Variants in OSBPL9 observed in about 807,000 individuals in gnomAD.
OSBPL9 encodes the protein oxysterol binding protein like 9.
OSBPL9 carries 40 observed loss-of-function variants against 106.6 expected under a neutral mutation model. That is an observed-to-expected ratio of 0.38 (90% CI 0.29 to 0.49). The LOEUF is 0.49. Among genes scored for constraint, OSBPL9 ranks in the 20% least tolerant of loss-of-function variants. The pLI, the probability that OSBPL9 is intolerant of heterozygous loss-of-function variation, is 0.97. For synonymous variants in OSBPL9, 269 were observed against 295.4 expected (o/e 0.91, Z 0.92); for missense variants, 609 against 887.2 (o/e 0.69, Z 3.98).
intron 3 of OSBPL9, among the ~76,000 whole-genome samples, chr1:51,705,236 C>T (rs1458399655): frequency 6.6e-6 from 1 of 151,162 alleles, no homozygotes; most frequent in Non-Finnish European, 1.5e-5. Flanking sequence ...TGGTTTCGAA[C>T]TCTTGGGCTC....
At chr1:51,761,661 C>T (rs972943787) in intron 10 of OSBPL9, among the ~76,000 whole-genome samples, 2 of 151,980 alleles carry the variant, frequency 1.3e-5, no homozygotes, top group Admixed American at 1.3e-4. Context: ...TGATATCCTG[C>T]CTGGTATCTT....
At chr1:51,751,669 AATAC>A (rs1465652818) in intron 8 of OSBPL9, among the ~76,000 whole-genome samples, 1 of 152,200 alleles carries the variant, frequency 6.6e-6, no homozygotes, top group Non-Finnish European at 1.5e-5. Context: ...TATTTTAGGG[AATAC>A]ATACTGCCTT....
intron 12 of OSBPL9, among the ~76,000 whole-genome samples, chr1:51,770,752 A>G (rs1673687493): frequency 6.6e-6 from 1 of 152,220 alleles, no homozygotes; most frequent in Non-Finnish European, 1.5e-5. Flanking sequence ...AAAAATAGGT[A>G]AGTAACCAGG....
chr1:51,784,034 G>A lies in OSBPL9; in HGVS notation c.1624+9G>A, dbSNP rs1046029454. On this transcript the variant is annotated intron_variant, in intron 18 of 23. Coordinates refer to ENST00000428468, the MANE Select transcript of OSBPL9 (RefSeq NM_024586.6). ...GCACAACATAGGGCAGGGTAAGTGT[G>A]TTGGCATTGGGTGGACTACAATGTT... 1 of 1,592,854 alleles carries A rather than the reference G, an allele frequency of 6.3e-7. No homozygotes were observed. The highest frequency in any genetic ancestry group is 1.3e-5 in the African/African-American group (1 of 74,436).
intron 3 of OSBPL9, among the ~76,000 whole-genome samples, chr1:51,695,355 C>T (rs185293477): frequency 1.1e-3 from 163 of 152,242 alleles, no homozygotes; most frequent in African/African-American, 3.8e-3. Context: ...ACATGACAAA[C>T]GCAGATTATG....
chr1:51,678,721 G>A (rs893686511), intron 3 of OSBPL9, among the ~76,000 whole-genome samples: 2 of 152,168 alleles, frequency 1.3e-5, no homozygotes, highest in African/African-American at 4.8e-5. Flanking sequence ...TTGATGTTAT[G>A]GTGAAGGAAA....
the OSBPL9 span, among the ~76,000 whole-genome samples, chr1:51,553,927 C>T: frequency 6.6e-6 from 1 of 152,216 alleles, no homozygotes; most frequent in South Asian, 2.1e-4. Context: ...GATCCACCCG[C>T]CTCAGCCTCC....
intron 2 of OSBPL9, among the ~76,000 whole-genome samples, chr1:51,610,409 C>T (rs1287586473): frequency 2.6e-5 from 4 of 152,070 alleles, no homozygotes; most frequent in Non-Finnish European, 4.4e-5. Context: ...TATAGGCGTG[C>T]ACCACCATGC....
At chr1:51,639,885 C>T (rs540390970) in intron 1 of OSBPL9, among the ~76,000 whole-genome samples, 4 of 127,528 alleles carry the variant, frequency 3.1e-5, no homozygotes, top group South Asian at 2.6e-4. Context: ...AGTGCAGTGG[C>T]GCAATCAGGG....
At chr1:51,750,043 T>C in intron 7 of OSBPL9, 102 bp from the exon 8 acceptor site, 1 of 782,450 alleles carries the variant, frequency 1.3e-6, no homozygotes, top group East Asian at 2.8e-5. Context: ...TAGTATAGAC[T>C]TAAACTCTAT....
chr1:51,679,098 G>A (rs1651948540), intron 3 of OSBPL9, among the ~76,000 whole-genome samples: 1 of 152,154 alleles, frequency 6.6e-6, no homozygotes. Context: ...TTCAATAGGT[G>A]TTAGTAGGGA....
chr1:51,524,740 T>C, the OSBPL9 span, among the ~76,000 whole-genome samples: 1 of 152,238 alleles, frequency 6.6e-6, no homozygotes, highest in South Asian at 2.1e-4. Context: ...CCAAAGGCCA[T>C]TGGCTTCTAG....
chr1:51,574,826 C>A (rs1645173931), upstream of OSBPL9, among the ~76,000 whole-genome samples: 1 of 143,838 alleles, frequency 7.0e-6, no homozygotes, highest in Non-Finnish European at 1.5e-5. Flanking sequence ...ACATTTTATA[C>A]CTTCTTGAAT....
At chr1:51,724,437 C>T (rs1012136044) in intron 4 of OSBPL9, among the ~76,000 whole-genome samples, 1 of 152,078 alleles carries the variant, frequency 6.6e-6, no homozygotes, top group Admixed American at 6.6e-5. Context: ...GCGCCCACCA[C>T]CATGCCCAGC....
At position 51,772,677 on chromosome 1, in the gene OSBPL9, T is replaced by C; in HGVS notation, c.1124T>C (p.Ile375Thr). 1 of 1,614,220 alleles carries C rather than the reference T, an allele frequency of 6.2e-7. No homozygotes were observed. The highest frequency in any genetic ancestry group is 8.5e-7 in the Non-Finnish European group (1 of 1,180,040). Residue 375 changes from isoleucine (I) to threonine (T), a missense_variant, in exon 14 of 24, where the codon ATC becomes ACC. Ile to Thr is a moderately conservative substitution (Grantham distance 89). Around this residue, in one of 5 missense-constraint regions of OSBPL9, gnomAD observed 356 missense variants for 505.8 expected, o/e 0.70. Transcript: ENST00000428468. Reference protein sequence around the residue: ...AGSVEEHKSVIMHLLSQVRLG... With the variant: ...AGSVEEHKSVTMHLLSQVRLG... Reference sequence around the variant, plus strand: ...TCTGTGGAGGAGCACAAGAGCGTTATCATGCATCTCTTGTCGCAGGTTAGA... The same window carrying C: ...TCTGTGGAGGAGCACAAGAGCGTTACCATGCATCTCTTGTCGCAGGTTAGA...
At chr1:51,641,951 A>G (rs1195027836) in intron 1 of OSBPL9, among the ~76,000 whole-genome samples, 1 of 152,228 alleles carries the variant, frequency 6.6e-6, no homozygotes, top group Non-Finnish European at 1.5e-5. Flanking sequence ...GTTTCTTTAC[A>G]GAAAAAGTAC....
the OSBPL9 span, among the ~76,000 whole-genome samples, chr1:51,520,058 A>G: frequency 0.016 from 2,432 of 152,344 alleles, 30 homozygotes; most frequent in Admixed American, 0.032. Context: ...TTTGCAAAGT[A>G]TCTTTTTCTC....
chr1:51,540,334 C>T, the OSBPL9 span, among the ~76,000 whole-genome samples: 2 of 152,058 alleles, frequency 1.3e-5, no homozygotes, highest in Non-Finnish European at 2.9e-5. Flanking sequence ...TCCATCTTGG[C>T]CCCATATTTG....
At chr1:51,540,432 A>G in the OSBPL9 span, among the ~76,000 whole-genome samples, 1 of 151,978 alleles carries the variant, frequency 6.6e-6, no homozygotes, top group South Asian at 2.1e-4. Flanking sequence ...CGAGGTGGGC[A>G]GATCACGAGG....
Sources: allele counts gnomAD v4.1 joint callset (sites outside exome capture counted in the v4.1 genomes callset), GRCh38; gene constraint gnomAD v4.1.1; regional missense constraint gnomAD v4.1.1; transcripts MANE v1.5; gene names NCBI Gene and HGNC (gene_info 2026-07-23, HGNC 2026-07-21).